Variants in ADCY8 observed in about 807,000 individuals in gnomAD.
ADCY8 encodes adenylate cyclase type 8.
Under a neutral mutation model 119.7 loss-of-function variants are expected in ADCY8, and 51 were observed. The observed-to-expected ratio is 0.43, with a 90% CI of 0.34 to 0.54. The LOEUF is 0.54. ADCY8 is among the 20% of genes least tolerant of loss of function. The pLI is 0.03. For synonymous variants in ADCY8, 665 were observed against 651.0 expected (o/e 1.02, Z -0.33); for missense variants, 1,383 against 1,598.8 (o/e 0.87, Z 2.30).
chr8:130,805,821 A>G (rs1481199895), intron 14 of ADCY8, among the ~76,000 whole-genome samples: 1 of 152,164 alleles, frequency 6.6e-6, no homozygotes, highest in Non-Finnish European at 1.5e-5. Flanking sequence ...TGGGGCAGAA[A>G]GGGAAACCTG....
chr8:130,988,688 C>T (rs1203026120), intron 2 of ADCY8, among the ~76,000 whole-genome samples: 1 of 152,034 alleles, frequency 6.6e-6, no homozygotes, highest in Admixed American at 6.6e-5. Flanking sequence ...TATTTTCTTC[C>T]TCCTTCTGCA....
intron 1 of ADCY8, among the ~76,000 whole-genome samples, chr8:131,027,551 A>G (rs2130804218): frequency 6.6e-6 from 1 of 152,314 alleles, no homozygotes; most frequent in Non-Finnish European, 1.5e-5. Flanking sequence ...AGCAGGATAG[A>G]GAGCTGTGGA....
intron 1 of ADCY8, among the ~76,000 whole-genome samples, chr8:131,006,171 C>T (rs1298718831): frequency 6.6e-6 from 1 of 152,152 alleles, no homozygotes; most frequent in Non-Finnish European, 1.5e-5. Flanking sequence ...ACATTTCCTG[C>T]CAGCAAACTG....
At chr8:130,780,911 G>A in intron 17 of ADCY8, 34 bp from the exon 18 acceptor site, 2 of 1,603,514 alleles carry the variant, frequency 1.2e-6, no homozygotes, top group South Asian at 2.2e-5. Flanking sequence ...AGAAGTCAGA[G>A]GGAGAAGGGG....
At chr8:130,861,949 CTTT>C (rs1262577724) in intron 9 of ADCY8, among the ~76,000 whole-genome samples, 2 of 152,076 alleles carry the variant, frequency 1.3e-5, no homozygotes, top group African/African-American at 4.8e-5. Context: ...GATTTTCCTT[CTTT>C]AACTTACTAA....
At chr8:130,990,242 AAC>A (rs1421762545) in intron 2 of ADCY8, 149 bp downstream of exon 2, 6 of 1,003,432 alleles carry the variant, frequency 6.0e-6, no homozygotes, top group African/African-American at 1.6e-5. Context: ...CTGTAAGTCT[AAC>A]ACAACTATTT....
At chr8:131,021,765 T>C (rs1284599825) in intron 1 of ADCY8, among the ~76,000 whole-genome samples, 1 of 152,170 alleles carries the variant, frequency 6.6e-6, no homozygotes, top group East Asian at 1.9e-4. Context: ...CCCCTTCTGC[T>C]ATGCTTGTAA....
rs187725228 is a variant in ADCY8, at chr8:130,904,420, C to T, written c.1641-378G>A. Among the ~76,000 whole-genome samples the T allele has an allele frequency of 2.7e-3, 412 of 152,168 alleles. 4 individuals are homozygous for T. The highest frequency in any genetic ancestry group is 9.2e-3 in the African/African-American group (382 of 41,472). ...GGAAAAACAAGTGCTGCAAATGTTT[C>T]TGAACCCCAGTGGCAATCATTATCC... is the stretch of plus-strand genomic sequence containing the variant. On this transcript the variant is annotated intron_variant, in intron 6 of 17. Coordinates refer to ENST00000286355, the MANE Select transcript of ADCY8 (RefSeq NM_001115.3).
chr8:130,918,597 G>A (rs1300388175), intron 5 of ADCY8, among the ~76,000 whole-genome samples: 3 of 152,050 alleles, frequency 2.0e-5, no homozygotes, highest in Non-Finnish European at 2.9e-5. Flanking sequence ...TTTCTTGTCA[G>A]TAAAAATAAA....
intron 5 of ADCY8, among the ~76,000 whole-genome samples, chr8:130,933,079 G>C (rs1054480276): frequency 3.3e-5 from 5 of 152,114 alleles, no homozygotes. Flanking sequence ...CTAACTTTGA[G>C]AAAATGCCAG....
At position 130,903,988 on chromosome 8, in the gene ADCY8, C is replaced by A. The variant is rs1267474790; in HGVS notation, c.1695G>T (p.Val565=). 6.2e-7 allele frequency: 1 copy of A among 1,614,140 alleles called. No homozygotes were observed. Among genetic ancestry groups the A allele is most frequent in the Admixed American group, 1.7e-5 (1 of 60,020 alleles). Residue 565 remains valine (V), a synonymous_variant, in exon 7 of 18, where the codon GTG becomes GTT. Coordinates refer to ENST00000286355, the MANE Select transcript of ADCY8 (RefSeq NM_001115.3). ...TCCTCTCTTTACCATGGCCCTCTTC[C>A]ACGTTATAGTCACCGTTGAGACAGT... The part of the protein sequence containing the change: ...TLDCLNGDYN[V]EEGHGKERNE...
intron 7 of ADCY8, among the ~76,000 whole-genome samples, chr8:130,903,013 C>T (rs970622396): frequency 6.6e-6 from 1 of 152,140 alleles, no homozygotes; most frequent in Non-Finnish European, 1.5e-5. Flanking sequence ...AGCAAGCATT[C>T]TGGGAGAACA....
chr8:130,829,078 C>T (rs1816750000), intron 12 of ADCY8, among the ~76,000 whole-genome samples: 1 of 152,154 alleles, frequency 6.6e-6, no homozygotes, highest in African/African-American at 2.4e-5. Flanking sequence ...CATGGGTGAG[C>T]GTGACAAATC....
intron 1 of ADCY8, among the ~76,000 whole-genome samples, chr8:131,032,069 T>C (rs1824014322): frequency 1.3e-5 from 2 of 152,208 alleles, no homozygotes; most frequent in South Asian, 4.1e-4. Context: ...AATGAGGATG[T>C]GTTGTTTACA....
chr8:130,901,499 G>C (rs918937598), intron 7 of ADCY8, among the ~76,000 whole-genome samples: 2 of 152,128 alleles, frequency 1.3e-5, no homozygotes, highest in Non-Finnish European at 1.5e-5. Flanking sequence ...TCTGTGTTAT[G>C]CAAACACTCA....
intron 1 of ADCY8, among the ~76,000 whole-genome samples, chr8:131,025,115 T>C (rs2130801104): frequency 6.6e-6 from 1 of 152,316 alleles, no homozygotes; most frequent in South Asian, 2.1e-4. Flanking sequence ...GTATGTAAAA[T>C]CTGAGGTGGG....
intron 9 of ADCY8, among the ~76,000 whole-genome samples, chr8:130,863,941 T>G (rs1818029722): frequency 2.0e-5 from 3 of 152,208 alleles, no homozygotes; most frequent in African/African-American, 7.2e-5. Flanking sequence ...TTTATGGAGA[T>G]CCAAGTTTCT....
At chr8:130,868,078 C>T (rs1818191141) in intron 8 of ADCY8, 132 bp from the exon 9 acceptor site, 6 of 582,394 alleles carry the variant, frequency 1.0e-5, no homozygotes, top group Non-Finnish European at 1.7e-5. Flanking sequence ...TTAATAAAAC[C>T]TTCACAGAGC....
intron 1 of ADCY8, among the ~76,000 whole-genome samples, chr8:131,035,750 T>G (rs1234795715): frequency 6.6e-6 from 1 of 152,174 alleles, no homozygotes; most frequent in African/African-American, 2.4e-5. Context: ...GCTGCCAAGG[T>G]GTGCTAACTC....
Sources: gnomAD v4.1 joint callset for allele counts (sites outside exome capture counted in the v4.1 genomes callset) on GRCh38, gnomAD v4.1.1 for gene constraint, MANE v1.5 for transcripts, NCBI Gene and HGNC (gene_info 2026-07-23, HGNC 2026-07-21) for gene names.